The following VTI1B variants were observed in gnomAD, a reference collection of about 807,000 sequenced individuals.
VTI1B encodes the protein vesicle transport through interaction with t-SNAREs 1B.
Under a neutral mutation model 28.6 loss-of-function variants are expected in VTI1B, and 18 were observed. The ratio of observed to expected loss-of-function variants is 0.63; its 90% CI spans 0.43 to 0.93. VTI1B has a LOEUF of 0.93. Ranked by LOEUF, VTI1B falls within the 40% of genes least tolerant of loss-of-function variation. The pLI is 0.00. For missense variants in VTI1B, 283 were observed against 297.0 expected (o/e 0.95, Z 0.35); for synonymous variants, 100 against 107.9 (o/e 0.93, Z 0.46).
chr14:67,660,097 T>C (rs2037317406), intron 2 of VTI1B, 175 bp from the exon 3 acceptor site: 1 of 623,110 alleles, frequency 1.6e-6, no homozygotes, highest in African/African-American at 1.9e-5. Flanking sequence ...CTGAATGCCT[T>C]GCATAGTGCC....
intron 1 of VTI1B, chr14:67,663,059 GC>G: frequency 1.4e-6 from 2 of 1,462,290 alleles, no homozygotes; most frequent in South Asian, 2.9e-5. Context: ...CTGGTGTGGT[GC>G]TTGTTTTTCT....
chr14:67,670,557 G>A (rs2140033634), intron 1 of VTI1B, among the ~76,000 whole-genome samples: 1 of 150,086 alleles, frequency 6.7e-6, no homozygotes, highest in East Asian at 2.0e-4. Flanking sequence ...TTGGTTGTAA[G>A]GTTTGTTACC....
At position 67,658,054 on chromosome 14, in the gene VTI1B, T is replaced by C. The variant is rs898885757; in HGVS notation, c.367-1465A>G. Among the ~76,000 whole-genome samples the C allele has an allele frequency of 4.6e-5, 7 of 152,086 alleles. No individual in the cohort carries two copies. In the South Asian group the frequency reaches 8.3e-4, roughly 18 times the overall value. The stretch of plus-strand genomic sequence containing the variant: ...GTAAGCCACTGTGCCCGGCGCTCTG[T>C]AGCATTTTCACTTAATAAATGGCAT... On this transcript the variant is annotated intron_variant, in intron 3 of 5. Transcript: ENST00000554659.
At chr14:67,672,867 T>A (rs950642261) in intron 1 of VTI1B, among the ~76,000 whole-genome samples, 2 of 152,234 alleles carry the variant, frequency 1.3e-5, no homozygotes, top group Admixed American at 6.5e-5. Context: ...AGGCCCTACA[T>A]GATCTGGCCC....
At position 67,654,991 on chromosome 14, in the gene VTI1B, T is replaced by A. The variant is rs975028166; in HGVS notation, c.540+1425A>T. 3.9e-5 allele frequency among the ~76,000 whole-genome samples: 5 copies of A among 127,774 alleles called. No individual in the cohort carries two copies. The Admixed American group carries it at 4.0e-4, about 10-fold the overall frequency. The allele number at this position is 127,774 out of a possible 152,430, so 83.8% of individuals were successfully genotyped here. ...TTGCAGCGAGCCGAGATTGCGCCACTGCACTCCAGCCTGGGCGACAGAGCA... is the reference window on the plus strand; with the variant it reads ...TTGCAGCGAGCCGAGATTGCGCCACAGCACTCCAGCCTGGGCGACAGAGCA... On this transcript the variant is annotated intron_variant, in intron 4 of 5. Transcript: ENST00000554659.
chr14:67,669,460 T>C (rs939939654), intron 1 of VTI1B, among the ~76,000 whole-genome samples: 6 of 149,136 alleles, frequency 4.0e-5, no homozygotes, highest in Non-Finnish European at 8.9e-5. Flanking sequence ...TAGAGATAGG[T>C]CTCACCATGT....
chr14:67,657,898 G>A (rs1442504401), intron 3 of VTI1B, among the ~76,000 whole-genome samples: 2 of 151,908 alleles, frequency 1.3e-5, no homozygotes, highest in Non-Finnish European at 2.9e-5. Context: ...ACAGGCACCC[G>A]CCACCACGCC....
intron 5 of VTI1B, 69 bp from the exon 6 acceptor site, chr14:67,651,550 T>G: frequency 5.6e-4 from 875 of 1,559,438 alleles, no homozygotes; most frequent in Non-Finnish European, 7.1e-4. Flanking sequence ...ATTTTGGGGT[T>G]AGACCTGGGA....
At chr14:67,672,215 C>A (rs544417310) in intron 1 of VTI1B, among the ~76,000 whole-genome samples, 2 of 151,006 alleles carry the variant, frequency 1.3e-5, no homozygotes, top group Non-Finnish European at 3.0e-5. Flanking sequence ...AGCTCCAGGG[C>A]CCAAGTGATC....
chr14:67,667,302 C>A (rs765682984), intron 1 of VTI1B, among the ~76,000 whole-genome samples: 11 of 152,116 alleles, frequency 7.2e-5, no homozygotes, highest in Non-Finnish European at 1.5e-4. Flanking sequence ...TCAGTTTCAC[C>A]AGCTCATAAA....
At chr14:67,655,178 A>C (rs1174849430) in intron 4 of VTI1B, among the ~76,000 whole-genome samples, 2 of 151,976 alleles carry the variant, frequency 1.3e-5, no homozygotes, top group Non-Finnish European at 2.9e-5. Flanking sequence ...CGTTTTTACA[A>C]AAAATTAAAA....
At chr14:67,662,671 C>G (rs1007983498) in intron 1 of VTI1B, 136 bp from the exon 2 acceptor site, 5 of 787,324 alleles carry the variant, frequency 6.4e-6, no homozygotes, top group Non-Finnish European at 7.7e-6. Context: ...TTTGGGAGGC[C>G]AAGGCAGGTG....
intron 1 of VTI1B, 63 bp from the exon 2 acceptor site, chr14:67,662,598 C>A: frequency 6.9e-7 from 1 of 1,439,122 alleles, no homozygotes; most frequent in Admixed American, 2.0e-5. Flanking sequence ...AAAGGCCATT[C>A]CCTCTGCTTC....
chr14:67,670,033 T>G (rs1426208079), intron 1 of VTI1B, among the ~76,000 whole-genome samples: 1 of 152,186 alleles, frequency 6.6e-6, no homozygotes, highest in Non-Finnish European at 1.5e-5. Flanking sequence ...AAGCCAAGGC[T>G]GCAGTGAGCA....
chr14:67,655,595 A>T (rs2037245526), intron 4 of VTI1B, among the ~76,000 whole-genome samples: 1 of 152,084 alleles, frequency 6.6e-6, no homozygotes, highest in Non-Finnish European at 1.5e-5. Context: ...CATAATTTAT[A>T]AATCTATAAA....
chr14:67,674,359 C>T lies in VTI1B; in HGVS notation c.115+16G>A, dbSNP rs2037507225. 2.5e-6 allele frequency: 4 copies of T among 1,573,818 alleles called. No homozygotes were observed. Among genetic ancestry groups the T allele is most frequent in the Admixed American group, 1.9e-5 (1 of 53,848 alleles). ...CAGGGCTGCGCTCCCCACGGCGTGGCCCACCCCCGCCTCACCGGTCCCCGC... is the reference window on the plus strand; with the variant it reads ...CAGGGCTGCGCTCCCCACGGCGTGGTCCACCCCCGCCTCACCGGTCCCCGC... On this transcript the variant is annotated intron_variant, in intron 1 of 5. Transcript: ENST00000554659.
At position 67,651,326 on chromosome 14, in the gene VTI1B, C is replaced by G; in HGVS notation, c.*59G>C. ...CAATATGCTTATTCTATCCACATCC[C>G]TAACATCATGCATTCACAAGGTCAA... On this transcript the variant is annotated 3_prime_UTR_variant, in exon 6 of 6. Transcript: ENST00000554659. The G allele has an allele frequency of 6.2e-7, 1 of 1,611,006 alleles. No homozygotes were observed. The highest frequency in any genetic ancestry group is 1.1e-5 in the South Asian group (1 of 90,658).
intron 3 of VTI1B, among the ~76,000 whole-genome samples, chr14:67,659,495 A>G (rs1252891923): frequency 6.6e-6 from 1 of 152,096 alleles, no homozygotes; most frequent in Non-Finnish European, 1.5e-5. Flanking sequence ...ATAAGACTGT[A>G]TTATATTAAG....
chr14:67,670,147 C>CA (rs1311420310), intron 1 of VTI1B, among the ~76,000 whole-genome samples: 4 of 152,144 alleles, frequency 2.6e-5, no homozygotes, highest in Admixed American at 6.5e-5. Flanking sequence ...AGGCTCTTAA[C>CA]ACAGTCCCCT....
Sources: gnomAD v4.1 joint callset for allele counts (sites outside exome capture counted in the v4.1 genomes callset) on GRCh38, gnomAD v4.1.1 for gene constraint, MANE v1.5 for transcripts, NCBI Gene and HGNC (gene_info 2026-07-23, HGNC 2026-07-21) for gene names.